The following PLCB1 variants were observed in gnomAD, a reference collection of about 807,000 sequenced individuals.
PLCB1 encodes 1-phosphatidylinositol 4,5-bisphosphate phosphodiesterase beta-1.
PLCB1 carries 46 observed loss-of-function variants against 161.8 expected under a neutral mutation model. The ratio of observed to expected loss-of-function variants is 0.28; its 90% confidence interval spans 0.22 to 0.36. PLCB1 has a LOEUF of 0.36. Ranked by LOEUF, PLCB1 falls within the 10% of genes least tolerant of loss-of-function variation. The pLI is 1.00. For synonymous variants in PLCB1, 517 were observed against 503.7 expected, an observed-to-expected ratio of 1.03 and a Z score of -0.35; for missense variants, 1,016 against 1,472.5, an observed-to-expected ratio of 0.69 and a Z score of 5.07.
chr20:8,860,112 T>C (rs4813876), intron 31 of PLCB1, among the ~76,000 whole-genome samples: 43,113 of 152,138 alleles, frequency 0.28, 7,402 homozygotes, highest in East Asian at 0.65. Flanking sequence ...AAAATGCTCA[T>C]AATATTTACT....
intron 2 of PLCB1, among the ~76,000 whole-genome samples, chr20:8,247,158 C>T (rs1980916477): frequency 6.6e-6 from 1 of 151,886 alleles, no homozygotes; most frequent in African/African-American, 2.4e-5. Flanking sequence ...AAAACCTTTG[C>T]CCTATTGTGC....
intron 3 of PLCB1, among the ~76,000 whole-genome samples, chr20:8,390,269 C>T (rs1325254159): frequency 6.6e-6 from 1 of 152,178 alleles, no homozygotes; most frequent in African/African-American, 2.4e-5. Flanking sequence ...TTACAGATGG[C>T]TGCCTTCCCC....
At chr20:8,749,965 T>A (rs774637549) in intron 23 of PLCB1, among the ~76,000 whole-genome samples, 145 of 152,078 alleles carry the variant, frequency 9.5e-4, no homozygotes, top group Middle Eastern at 3.4e-3. Context: ...ATTTTTTTTT[T>A]AAAAAAACCC....
chr20:8,662,705 C>T (rs1299821455), intron 9 of PLCB1, among the ~76,000 whole-genome samples: 3 of 151,200 alleles, frequency 2.0e-5, no homozygotes, highest in African/African-American at 7.3e-5. Context: ...CGAGATCCTG[C>T]ATTTCTAACA....
rs552044656 is a variant in PLCB1 at position 8,821,501 on chromosome 20, GTATATATATATATA to G, written c.3423+31284_3423+31297del. On this transcript the variant is annotated intron_variant, in intron 31 of 31. Coordinates refer to ENST00000338037, the MANE Select transcript of PLCB1 (RefSeq NM_015192.4). ...TCAAAAAAAAAAAAAAAAAAAATAT[GTATATATATATATA>G]TATATATATATATATATATATATAT... is the stretch of plus-strand genomic sequence containing the variant. Among the ~76,000 whole-genome samples the G allele has an allele frequency of 9.0e-3, 380 of 42,368 alleles. 64 individuals carry two copies. Among genetic ancestry groups the G allele is most frequent in the African/African-American group, 0.011 (139 of 13,166 alleles). The allele number at this position is 42,368 out of a possible 152,430, so 27.8% of individuals were successfully genotyped here.
chr20:8,733,970 A>G (rs1001644309), intron 19 of PLCB1, among the ~76,000 whole-genome samples: 2 of 147,680 alleles, frequency 1.4e-5, no homozygotes, highest in Non-Finnish European at 1.5e-5. Flanking sequence ...AAAATACAAA[A>G]AAAAACAATT....
intron 3 of PLCB1, among the ~76,000 whole-genome samples, chr20:8,616,079 G>T (rs1988034019): frequency 6.6e-6 from 1 of 152,130 alleles, no homozygotes; most frequent in Non-Finnish European, 1.5e-5. Flanking sequence ...CCAACATCAA[G>T]TCAAGCTGAT....
intron 31 of PLCB1, among the ~76,000 whole-genome samples, chr20:8,854,370 TTTC>T (rs1986994539): frequency 6.6e-6 from 1 of 152,134 alleles, no homozygotes. Context: ...AGTTCTGTGA[TTTC>T]TTCTTCATTC....
Position 8,440,283 on chromosome 20 carries a change from G to T in PLCB1, c.246+68833G>T, listed in dbSNP as rs565939198. On this transcript the variant is annotated intron_variant, in intron 3 of 31. Transcript: ENST00000338037. ...ATTAAGTATTCTGATGACAAAAAAG[G>T]TTCAAACATTTGTGACTCCCATAGC... Among the ~76,000 whole-genome samples the T allele has an allele frequency of 2.6e-5, 4 of 152,252 alleles. No homozygotes were observed. In the South Asian group the frequency reaches 8.3e-4, roughly 32 times the overall value.
intron 3 of PLCB1, among the ~76,000 whole-genome samples, chr20:8,388,803 T>A (rs1987508041): frequency 6.6e-6 from 1 of 152,198 alleles, no homozygotes; most frequent in Middle Eastern, 3.2e-3. Flanking sequence ...CTATTCACAT[T>A]TATCTTTAGA....
intron 3 of PLCB1, among the ~76,000 whole-genome samples, chr20:8,535,400 G>C (rs1411934335): frequency 6.6e-6 from 1 of 151,984 alleles, no homozygotes; most frequent in Non-Finnish European, 1.5e-5. Context: ...GAAAATTTAG[G>C]AGTATACATT....
chr20:8,837,574 T>C (rs991524072), intron 31 of PLCB1, among the ~76,000 whole-genome samples: 3 of 152,186 alleles, frequency 2.0e-5, no homozygotes, highest in Non-Finnish European at 2.9e-5. Flanking sequence ...AGTGAGCAAG[T>C]TGGAAATGCT....
chr20:8,647,829 G>A, intron 5 of PLCB1, 71 bp from the exon 6 acceptor site: 2 of 1,173,718 alleles, frequency 1.7e-6, no homozygotes, highest in Admixed American at 1.7e-5. Flanking sequence ...TTTTTTGAGT[G>A]TATTTTATTG....
chr20:8,423,214 G>A (rs1216319789), intron 3 of PLCB1, among the ~76,000 whole-genome samples: 2 of 152,092 alleles, frequency 1.3e-5, no homozygotes, highest in African/African-American at 4.8e-5. Context: ...AGACATAAGG[G>A]ACTGATCTGT....
intron 3 of PLCB1, among the ~76,000 whole-genome samples, chr20:8,496,832 A>C (rs1010315727): frequency 5.3e-5 from 8 of 152,058 alleles, no homozygotes; most frequent in African/African-American, 1.9e-4. Context: ...CACACTCTCA[A>C]ACTCCTAATG....
chr20:8,655,265 A>G (rs1338811373), intron 7 of PLCB1, among the ~76,000 whole-genome samples: 2 of 152,170 alleles, frequency 1.3e-5, no homozygotes, highest in South Asian at 2.1e-4. Context: ...AAATAACAGC[A>G]CATGCGTGCT....
chr20:8,481,412 A>G (rs1408133919), intron 3 of PLCB1, among the ~76,000 whole-genome samples: 1 of 152,146 alleles, frequency 6.6e-6, no homozygotes, highest in African/African-American at 2.4e-5. Context: ...GAATATTGAT[A>G]TTTAATACCT....
chr20:8,769,537 G>A (rs777277064), intron 26 of PLCB1, among the ~76,000 whole-genome samples: 2 of 152,082 alleles, frequency 1.3e-5, no homozygotes, highest in South Asian at 2.1e-4. Flanking sequence ...AATGGACAAC[G>A]TATTGCCAAA....
chr20:8,786,770 C>G (rs2146217751), intron 27 of PLCB1, among the ~76,000 whole-genome samples: 1 of 150,294 alleles, frequency 6.7e-6, no homozygotes, highest in East Asian at 2.0e-4. Context: ...GTGGTGCAAT[C>G]TCGGCTCACT....
Sources: gnomAD v4.1 joint callset for allele counts (sites outside exome capture counted in the v4.1 genomes callset) on GRCh38, gnomAD v4.1.1 for gene constraint, MANE v1.5 for transcripts, NCBI Gene and HGNC (gene_info 2026-07-23, HGNC 2026-07-21) for gene names.